NLGN1: variants seen among roughly 807,000 people sequenced by gnomAD.
The protein encoded by NLGN1 is neuroligin 1.
NLGN1 carries 12 observed loss-of-function variants against 65.5 expected under a neutral mutation model. The observed-to-expected ratio is 0.18, with a 90% CI of 0.12 to 0.30. The LOEUF is 0.30. Ranked by LOEUF, NLGN1 falls within the 10% of genes least tolerant of loss-of-function variation. The pLI is 1.00. For synonymous variants in NLGN1, 350 were observed against 359.5 expected (o/e 0.97, Z 0.30); for missense variants, 750 against 1,007.1 (o/e 0.74, Z 3.46).
At chr3:173,633,419 G>C (rs533202055) in intron 3 of NLGN1, among the ~76,000 whole-genome samples, 1 of 152,226 alleles carries the variant, frequency 6.6e-6, no homozygotes, top group South Asian at 2.1e-4. Context: ...TTCACCTGTT[G>C]TGTGTTCTTA....
At chr3:174,097,068 A>G (rs981540058) in intron 4 of NLGN1, among the ~76,000 whole-genome samples, 1 of 151,882 alleles carries the variant, frequency 6.6e-6, no homozygotes, top group Non-Finnish European at 1.5e-5. Context: ...TCACCTTGGG[A>G]ACGATTTGAG....
At chr3:173,539,652 C>CGT (rs1738204033) in intron 2 of NLGN1, among the ~76,000 whole-genome samples, 1 of 103,592 alleles carries the variant, frequency 9.7e-6, no homozygotes, top group Non-Finnish European at 2.0e-5. Flanking sequence ...ACATATATAA[C>CGT]ATATGTGTAT....
intron 4 of NLGN1, among the ~76,000 whole-genome samples, chr3:174,220,395 T>A (rs149323035): frequency 3.9e-4 from 59 of 152,236 alleles, no homozygotes; most frequent in African/African-American, 1.4e-3. Flanking sequence ...CCTAGAGATA[T>A]ATAATTAATA....
chr3:174,148,253 G>T (rs1723705911), intron 4 of NLGN1, among the ~76,000 whole-genome samples: 1 of 152,128 alleles, frequency 6.6e-6, no homozygotes, highest in Non-Finnish European at 1.5e-5. Context: ...TTAGGTTTCT[G>T]TTCAGTTTTA....
At chr3:173,545,310 G>A (rs1177490934) in intron 2 of NLGN1, among the ~76,000 whole-genome samples, 3 of 152,052 alleles carry the variant, frequency 2.0e-5, no homozygotes, top group Non-Finnish European at 4.4e-5. Context: ...CTGACCTCAG[G>A]TGATCCACCC....
chr3:174,275,026 G>GTCT (rs1467814876), intron 4 of NLGN1, among the ~76,000 whole-genome samples: 1 of 151,824 alleles, frequency 6.6e-6, no homozygotes, highest in African/African-American at 2.4e-5. Flanking sequence ...CCCCTGGAAT[G>GTCT]TCTTCCCTGA....
At chr3:173,676,166 C>A (rs1763147333) in intron 3 of NLGN1, among the ~76,000 whole-genome samples, 1 of 151,842 alleles carries the variant, frequency 6.6e-6, no homozygotes, top group African/African-American at 2.4e-5. Flanking sequence ...CAAAAGGAAA[C>A]TAGAAAGAAA....
chr3:174,024,141 T>TAAAAAAA (rs34508881), intron 4 of NLGN1, among the ~76,000 whole-genome samples: 1 of 86,036 alleles, frequency 1.2e-5, no homozygotes, highest in Non-Finnish European at 2.2e-5. Flanking sequence ...AGAGTCCTAT[T>TAAAAAAA]AAAAAAAAAA....
At chr3:174,212,577 A>G (rs1466075439) in intron 4 of NLGN1, among the ~76,000 whole-genome samples, 1 of 152,252 alleles carries the variant, frequency 6.6e-6, no homozygotes, top group Non-Finnish European at 1.5e-5. Flanking sequence ...GTATCCCATG[A>G]TGTTTGCACA....
At chr3:173,428,182 G>A (rs13097497) in intron 1 of NLGN1, among the ~76,000 whole-genome samples, 2 of 151,272 alleles carry the variant, frequency 1.3e-5, no homozygotes, top group East Asian at 3.9e-4. Context: ...TTCACTTTTA[G>A]TCTATGTTTA....
chr3:173,820,898 A>C (rs189791605), intron 4 of NLGN1, among the ~76,000 whole-genome samples: 2 of 152,298 alleles, frequency 1.3e-5, no homozygotes, highest in African/African-American at 4.8e-5. Flanking sequence ...TGTAAAGATA[A>C]GAAATAAAAG....
At chr3:174,182,771 A>G (rs906700891) in intron 4 of NLGN1, among the ~76,000 whole-genome samples, 3 of 152,150 alleles carry the variant, frequency 2.0e-5, no homozygotes, top group African/African-American at 7.2e-5. Flanking sequence ...ATGCAAGCCC[A>G]TTCCCTGTTC....
intron 4 of NLGN1, among the ~76,000 whole-genome samples, chr3:174,036,392 C>A (rs1232108496): frequency 6.6e-6 from 1 of 152,014 alleles, no homozygotes; most frequent in Non-Finnish European, 1.5e-5. Context: ...GAACCTTATT[C>A]TCTTACTTTT....
At chr3:174,057,445 T>C (rs1438156040) in intron 4 of NLGN1, among the ~76,000 whole-genome samples, 1 of 151,946 alleles carries the variant, frequency 6.6e-6, no homozygotes. Flanking sequence ...GACAGAAAGG[T>C]GAAAGCATAA....
chr3:174,154,950 A>ATAATATATATAATTATATATAATATG (rs2152709440), intron 4 of NLGN1, among the ~76,000 whole-genome samples: 1 of 139,490 alleles, frequency 7.2e-6, no homozygotes, highest in South Asian at 2.2e-4. Context: ...TATATAATAT[A>ATAATATATATAATTATATATAATATG]TAATATAATA....
chr3:173,489,294 C>T (rs998877942), intron 2 of NLGN1, among the ~76,000 whole-genome samples: 3 of 151,108 alleles, frequency 2.0e-5, no homozygotes, highest in South Asian at 2.1e-4. Flanking sequence ...TCCAAGTGTT[C>T]TCATTGTTCA....
At chr3:173,449,525 A>C (rs1721072508) in intron 2 of NLGN1, among the ~76,000 whole-genome samples, 1 of 152,206 alleles carries the variant, frequency 6.6e-6, no homozygotes, top group Admixed American at 6.5e-5. Flanking sequence ...GGTGCTGAAA[A>C]AAATGTATAT....
intron 3 of NLGN1, among the ~76,000 whole-genome samples, chr3:173,801,596 G>T (rs1168491818): frequency 2.0e-5 from 3 of 151,932 alleles, no homozygotes; most frequent in Non-Finnish European, 4.4e-5. Flanking sequence ...AATTACAGAG[G>T]TGGAGTATTG....
intron 3 of NLGN1, among the ~76,000 whole-genome samples, chr3:173,708,310 G>A (rs1277202263): frequency 6.6e-6 from 1 of 152,160 alleles, no homozygotes; most frequent in African/African-American, 2.4e-5. Context: ...TGGCTGAAGA[G>A]CAGAAGGCCC....
Sources: allele counts gnomAD v4.1 joint callset (sites outside exome capture counted in the v4.1 genomes callset), GRCh38; gene constraint gnomAD v4.1.1; transcripts MANE v1.5; gene names NCBI Gene and HGNC (gene_info 2026-07-23, HGNC 2026-07-21).